BACE2: variants seen among roughly 807,000 people sequenced by gnomAD.
BACE2 encodes the protein beta-secretase 2.
BACE2 carries 17 observed loss-of-function variants against 46.2 expected under a neutral mutation model. That is an observed-to-expected ratio of 0.37 (90% CI 0.25 to 0.55). The LOEUF (loss-of-function observed/expected upper bound fraction) is 0.55. Ranked by LOEUF, BACE2 falls within the 20% of genes least tolerant of loss-of-function variation. The pLI is 0.82. For missense variants in BACE2, 595 were observed against 698.1 expected (o/e 0.85, Z 1.66); for synonymous variants, 277 against 295.9 (o/e 0.94, Z 0.66).
At chr21:41,172,701 G>A (rs1354734001) in intron 1 of BACE2, among the ~76,000 whole-genome samples, 1 of 152,220 alleles carries the variant, frequency 6.6e-6, no homozygotes, top group East Asian at 1.9e-4. Context: ...TACAGGTCCT[G>A]AGCACTGTAG....
chr21:41,200,497 C>T (rs1601260211), intron 1 of BACE2, among the ~76,000 whole-genome samples: 1 of 152,136 alleles, frequency 6.6e-6, no homozygotes, highest in Non-Finnish European at 1.5e-5. Context: ...TGGATTGTAA[C>T]CCCATGTTCT....
rs547371954 is a variant in BACE2, at chr21:41,278,793, C to G, written c.*3169C>G. On this transcript the variant is annotated 3_prime_UTR_variant, in exon 9 of 9. Coordinates refer to ENST00000330333, the MANE Select transcript of BACE2 (RefSeq NM_012105.5). ...CTGTCCCTGCTTGGTGGAGCTGCCA[C>G]GTGTGGTTCAGTTCTAAGTTCTGGA... is the stretch of plus-strand genomic sequence containing the variant. 6.6e-6 allele frequency: 1 copy of G among 152,214 alleles called. No individual in the cohort carries two copies. The highest frequency in any genetic ancestry group is 6.5e-5 in the Admixed American group (1 of 15,278). 9.4% of individuals were successfully genotyped at this position (152,214 alleles called of 1,614,324 possible). A position where few individuals can be genotyped will look rare whatever the true frequency, so the allele number is the denominator to read the frequency against.
At chr21:41,247,000 A>C (rs977040120) in intron 6 of BACE2, among the ~76,000 whole-genome samples, 1 of 152,114 alleles carries the variant, frequency 6.6e-6, no homozygotes, top group African/African-American at 2.4e-5. Context: ...TGGCTGCCTG[A>C]GTGTTCTCAT....
chr21:41,272,958 C>T (rs34996007), intron 8 of BACE2, among the ~76,000 whole-genome samples: 13,862 of 152,066 alleles, frequency 0.091, 679 homozygotes, highest in East Asian at 0.15. Context: ...AAGTGTCAGC[C>T]GGTCTGAGAA....
intron 1 of BACE2, among the ~76,000 whole-genome samples, chr21:41,169,603 C>T (rs1984525895): frequency 6.6e-6 from 1 of 152,116 alleles, no homozygotes; most frequent in Admixed American, 6.5e-5. Flanking sequence ...TTTGATTCAG[C>T]TATGATTCCC....
intron 1 of BACE2, among the ~76,000 whole-genome samples, chr21:41,206,166 G>A (rs900287484): frequency 3.9e-5 from 6 of 152,216 alleles, no homozygotes; most frequent in African/African-American, 4.8e-5. Flanking sequence ...TCTGGAGACT[G>A]GAAACCCAAG....
At chr21:41,176,439 G>GA in intron 1 of BACE2, 1 of 152,222 alleles carries the variant, frequency 6.6e-6, no homozygotes, top group South Asian at 2.1e-4. Context: ...GTCTGCACTA[G>GA]GACCTGAGAA....
Position 41,257,243 on chromosome 21 carries a change from T to A in BACE2, c.1220T>A (p.Ile407Asn), listed in dbSNP as rs1987812874. ...TCCCCATCCACAAATGCGCTGGTGA[T>A]CGGTGCCACGGTGATGGAGGGCTTC... The part of the protein sequence containing the change: ...GISPSTNALV[I>N]GATVMEGFYV... Residue 407 changes from isoleucine to asparagine, a missense_variant, in exon 8 of 9, where the codon ATC (isoleucine) becomes AAC (asparagine). This residue lies in a region of BACE2 where 343 missense variants were observed against 419.4 expected (regional missense o/e 0.82). Coordinates refer to ENST00000330333, the MANE Select transcript of BACE2 (RefSeq NM_012105.5). 8 of 1,614,190 alleles carry A rather than the reference T, an allele frequency of 5.0e-6. No individual in the cohort carries two copies. The highest frequency in any genetic ancestry group is 6.8e-6 in the Non-Finnish European group (8 of 1,180,020).
intron 1 of BACE2, among the ~76,000 whole-genome samples, chr21:41,191,674 G>A (rs147970729): frequency 0.029 from 4,446 of 152,232 alleles, 84 homozygotes; most frequent in Middle Eastern, 0.078. Flanking sequence ...TTGGTGAGTG[G>A]AAGTCCATGT....
intron 7 of BACE2, among the ~76,000 whole-genome samples, chr21:41,256,517 CTGCTAACTAAAAGCT>C: frequency 6.6e-6 from 1 of 152,316 alleles, no homozygotes; most frequent in East Asian, 1.9e-4. Context: ...TCTTCACAGC[CTGCTAACTAAAAGCT>C]TCCTCTGCAC....
At chr21:41,182,371 A>G (rs1007935047) in intron 1 of BACE2, 1 of 166,984 alleles carries the variant, frequency 6.0e-6, no homozygotes, top group African/African-American at 2.4e-5. Context: ...ATTGTAATTG[A>G]TTCTTGGGGT....
intron 1 of BACE2, chr21:41,181,999 G>A (rs1469747353): frequency 6.0e-6 from 1 of 167,026 alleles, no homozygotes; most frequent in African/African-American, 2.4e-5. Context: ...ATGGTATCTG[G>A]TTGGGTCTTA....
intron 8 of BACE2, among the ~76,000 whole-genome samples, chr21:41,268,952 C>A (rs939071958): frequency 4.6e-5 from 7 of 151,754 alleles, no homozygotes; most frequent in African/African-American, 1.7e-4. Context: ...CTTCTCTTCT[C>A]TTCTCTTTTC....
At chr21:41,247,927 G>A (rs142934887) in intron 6 of BACE2, among the ~76,000 whole-genome samples, 116 of 152,338 alleles carry the variant, frequency 7.6e-4, no homozygotes, top group African/African-American at 2.2e-3. Flanking sequence ...GTTCCAGTAA[G>A]CCAAACCTCT....
chr21:41,168,463 C>A lies in BACE2; in HGVS notation c.200C>A (p.Ala67Asp), dbSNP rs901969547. ...ADGLALALEP[A>D]LASPAGAANF... The stretch of plus-strand genomic sequence containing the variant: ...GGCTTGGCGCTCGCCCTGGAGCCTG[C>A]CCTGGCGTCCCCCGCGGGCGCCGCC... Residue 67 changes from alanine (A) to aspartate (D), a missense_variant, in exon 1 of 9, where the codon GCC becomes GAC. Physicochemically the swap from Ala to Asp is moderately radical, Grantham distance 126. Transcript: ENST00000330333. 7.2e-7 allele frequency: 1 copy of A among 1,387,924 alleles called. No homozygotes were observed. Among genetic ancestry groups the A allele is most frequent in the Non-Finnish European group, 9.4e-7 (1 of 1,067,690 alleles). The allele number at this position is 1,387,924 out of a possible 1,614,324, so 86.0% of individuals were successfully genotyped here. A position where few individuals can be genotyped will look rare whatever the true frequency, so the allele number is the denominator to read the frequency against.
At chr21:41,263,951 T>G (rs1301367985) in intron 8 of BACE2, among the ~76,000 whole-genome samples, 1 of 152,214 alleles carries the variant, frequency 6.6e-6, no homozygotes, top group Non-Finnish European at 1.5e-5. Flanking sequence ...ACATTCTTTC[T>G]AGTCTCTTCT....
chr21:41,245,948 T>G lies in BACE2; in HGVS notation c.883-14T>G. ...TGTCACTCACGCACCTTTCCCTTTC[T>G]CTCCCGGTTCAAGTATAACGCAGAC... On this transcript the variant is annotated splice_polypyrimidine_tract_variant and intron_variant, in intron 5 of 8. Transcript: ENST00000330333. The G allele has an allele frequency of 6.3e-7, 1 of 1,593,334 alleles. No individual in the cohort carries two copies. The highest frequency in any genetic ancestry group is 8.6e-7 in the Non-Finnish European group (1 of 1,168,154).
At chr21:41,176,142 C>G (rs900019033) in intron 1 of BACE2, 4 of 152,224 alleles carry the variant, frequency 2.6e-5, no homozygotes, top group Admixed American at 1.3e-4. Flanking sequence ...ATGATATCAT[C>G]TATTTCATTT....
At chr21:41,198,959 T>C (rs1166774915) in intron 1 of BACE2, among the ~76,000 whole-genome samples, 2 of 151,672 alleles carry the variant, frequency 1.3e-5, no homozygotes, top group African/African-American at 4.8e-5. Context: ...GACATGCTGG[T>C]GTGCTGCACC....
Sources: allele counts gnomAD v4.1 joint callset (sites outside exome capture counted in the v4.1 genomes callset), GRCh38; gene constraint gnomAD v4.1.1; regional missense constraint gnomAD v4.1.1; transcripts MANE v1.5; gene names NCBI Gene and HGNC (gene_info 2026-07-23, HGNC 2026-07-21).